The following ZMAT4 variants were observed in gnomAD, a reference collection of about 807,000 sequenced individuals.
ZMAT4 encodes zinc finger matrin-type protein 4.
ZMAT4 carries 17 observed loss-of-function variants against 28.7 expected under a neutral mutation model. The observed-to-expected ratio is 0.59, with a 90% confidence interval of 0.41 to 0.89. The LOEUF (loss-of-function observed/expected upper bound fraction) is 0.89, where lower values mean the gene tolerates loss of function less well. Among genes scored for constraint, ZMAT4 ranks in the 40% least tolerant of loss-of-function variants. The probability of loss-of-function intolerance (pLI) is 0.00; values close to 1 mark genes in which losing one functional copy is unlikely to be tolerated. For missense variants in ZMAT4, 240 were observed against 283.8 expected, an observed-to-expected ratio of 0.85 and a Z score of 1.11; for synonymous variants, 117 against 109.2, an observed-to-expected ratio of 1.07 and a Z score of -0.44.
intron 2 of ZMAT4, among the ~76,000 whole-genome samples, chr8:40,800,022 G>A (rs1586071887): frequency 2.0e-5 from 3 of 152,160 alleles, no homozygotes; most frequent in African/African-American, 2.4e-5. Flanking sequence ...GAAACAAAAA[G>A]CAAGGGCAAC....
At chr8:40,700,583 T>A (rs1211993625) in intron 3 of ZMAT4, among the ~76,000 whole-genome samples, 1 of 152,040 alleles carries the variant, frequency 6.6e-6, no homozygotes, top group Non-Finnish European at 1.5e-5. Context: ...TACACCTGGA[T>A]AATACTTTTT....
rs57458575 is a variant in ZMAT4 at position 40,833,540 on chromosome 8, C to CAAAAAAAAAAAAA, written c.-4-7873_-4-7861dup. On this transcript the variant is annotated intron_variant, in intron 1 of 6. Coordinates refer to ENST00000297737, the MANE Select transcript of ZMAT4 (RefSeq NM_024645.3). The stretch of plus-strand genomic sequence containing the variant: ...CCGAGATCATACCACTACACTCCAG[C>CAAAAAAAAAAAAA]AAAAAAAAAAAAAAAAAAGACATGA... Among the ~76,000 whole-genome samples the CAAAAAAAAAAAAA allele has an allele frequency of 5.9e-4, 51 of 87,058 alleles. 2 individuals are homozygous for CAAAAAAAAAAAAA. The highest frequency in any genetic ancestry group is 7.5e-4 in the African/African-American group (18 of 24,086). The allele number at this position is 87,058 out of a possible 152,430, so 57.1% of individuals were successfully genotyped here.
chr8:40,587,624 T>TA (rs1287389194), intron 5 of ZMAT4, among the ~76,000 whole-genome samples: 2 of 151,378 alleles, frequency 1.3e-5, no homozygotes, highest in Non-Finnish European at 3.0e-5. Flanking sequence ...GAAAGAAAGC[T>TA]AAAAAATATA....
chr8:40,704,954 T>C (rs1318064035), intron 3 of ZMAT4, among the ~76,000 whole-genome samples: 4 of 152,152 alleles, frequency 2.6e-5, no homozygotes, highest in Non-Finnish European at 5.9e-5. Flanking sequence ...CAGAGTCCCA[T>C]GGGGAAGCTG....
At chr8:40,800,777 A>C (rs1404900453) in intron 2 of ZMAT4, among the ~76,000 whole-genome samples, 1 of 152,168 alleles carries the variant, frequency 6.6e-6, no homozygotes, top group Non-Finnish European at 1.5e-5. Flanking sequence ...ATGGCATTGA[A>C]TGCATACATC....
chr8:40,581,781 A>T (rs774375204), intron 5 of ZMAT4, among the ~76,000 whole-genome samples: 12 of 152,330 alleles, frequency 7.9e-5, no homozygotes, highest in Middle Eastern at 3.4e-3. Flanking sequence ...GTGAAGTCTT[A>T]CGTTCCACCA....
intron 5 of ZMAT4, among the ~76,000 whole-genome samples, chr8:40,606,126 T>C (rs1288054745): frequency 6.6e-6 from 1 of 152,218 alleles, no homozygotes; most frequent in Non-Finnish European, 1.5e-5. Flanking sequence ...TTCTTACTCA[T>C]TCCACCATTC....
intron 3 of ZMAT4, among the ~76,000 whole-genome samples, chr8:40,742,782 C>CACACAA (rs1554549414): frequency 1.9e-4 from 4 of 20,580 alleles, no homozygotes; most frequent in African/African-American, 8.5e-4. Context: ...CACACACACA[C>CACACAA]ACACACACAC....
chr8:40,702,909 A>G (rs1233969157), intron 3 of ZMAT4, among the ~76,000 whole-genome samples: 1 of 152,192 alleles, frequency 6.6e-6, no homozygotes, highest in Non-Finnish European at 1.5e-5. Flanking sequence ...AGAGTAATGG[A>G]GCGATGGAAA....
intron 5 of ZMAT4, among the ~76,000 whole-genome samples, chr8:40,601,446 A>AAGGG (rs1404409402): frequency 1.9e-4 from 22 of 116,468 alleles, no homozygotes; most frequent in African/African-American, 5.4e-4. Flanking sequence ...GGAAGGAAGG[A>AAGGG]AGGAAGGAAG....
At chr8:40,542,360 T>TTTTAA (rs1234265079) in intron 6 of ZMAT4, among the ~76,000 whole-genome samples, 1 of 152,024 alleles carries the variant, frequency 6.6e-6, no homozygotes, top group African/African-American at 2.4e-5. Flanking sequence ...ATCATCCGAT[T>TTTTAA]TTTAATTTAA....
intron 5 of ZMAT4, among the ~76,000 whole-genome samples, chr8:40,660,279 C>A (rs1372177897): frequency 1.3e-5 from 2 of 152,142 alleles, no homozygotes; most frequent in Admixed American, 1.3e-4. Flanking sequence ...GTAAAGAAAT[C>A]TTTAGTTGTG....
intron 5 of ZMAT4, among the ~76,000 whole-genome samples, chr8:40,659,632 A>G (rs1808098676): frequency 1.3e-5 from 2 of 152,164 alleles, no homozygotes; most frequent in Admixed American, 1.3e-4. Context: ...GCAATTATTC[A>G]CAATCGAAGT....
intron 1 of ZMAT4, among the ~76,000 whole-genome samples, chr8:40,856,047 C>T (rs1339578297): frequency 6.6e-6 from 1 of 152,008 alleles, no homozygotes; most frequent in African/African-American, 2.4e-5. Flanking sequence ...ACAAGACCCT[C>T]CCCCCGGTAG....
At chr8:40,648,145 A>G (rs928771485) in intron 5 of ZMAT4, among the ~76,000 whole-genome samples, 1 of 152,202 alleles carries the variant, frequency 6.6e-6, no homozygotes, top group African/African-American at 2.4e-5. Flanking sequence ...GAGGACATTC[A>G]AACCAAAGGC....
intron 3 of ZMAT4, among the ~76,000 whole-genome samples, chr8:40,765,239 C>G (rs1284212370): frequency 6.6e-6 from 1 of 151,910 alleles, no homozygotes; most frequent in Non-Finnish European, 1.5e-5. Context: ...TATTCAGTCT[C>G]TCAATTCTTA....
intron 6 of ZMAT4, among the ~76,000 whole-genome samples, chr8:40,550,371 C>A (rs1399238327): frequency 6.6e-6 from 1 of 152,170 alleles, no homozygotes; most frequent in Non-Finnish European, 1.5e-5. Flanking sequence ...TTCCACATTT[C>A]TCTCACAGGT....
At chr8:40,721,163 A>G (rs976851179) in intron 3 of ZMAT4, among the ~76,000 whole-genome samples, 2 of 137,294 alleles carry the variant, frequency 1.5e-5, no homozygotes, top group South Asian at 2.5e-4. Flanking sequence ...AGAGTGTGAT[A>G]TTCCCCTTCC....
At chr8:40,881,697 T>A (rs72644323) in intron 1 of ZMAT4, among the ~76,000 whole-genome samples, 21,592 of 152,062 alleles carry the variant, frequency 0.14, 1,695 homozygotes, top group Middle Eastern at 0.21. Flanking sequence ...ATAACATGGA[T>A]CAGCTTGAAA....
Sources: gnomAD v4.1 joint callset for allele counts (sites outside exome capture counted in the v4.1 genomes callset) on GRCh38, gnomAD v4.1.1 for gene constraint, MANE v1.5 for transcripts, NCBI Gene and HGNC (gene_info 2026-07-23, HGNC 2026-07-21) for gene names.